PARD3B: variants seen among roughly 807,000 people sequenced by gnomAD.
PARD3B encodes par-3 family cell polarity regulator beta.
In PARD3B, 103 loss-of-function variants were observed where a neutral mutation model predicts 130.2. The observed-to-expected ratio is 0.79, with a 90% confidence interval of 0.67 to 0.93. PARD3B has a LOEUF of 0.93. Ranked by LOEUF, PARD3B falls within the 40% of genes least tolerant of loss-of-function variation. PARD3B has a pLI of 0.00. For synonymous variants in PARD3B, 583 were observed against 553.2 expected (o/e 1.05, Z -0.76); for missense variants, 1,609 against 1,499.2 (o/e 1.07, Z -1.21).
chr2:205,451,614 C>G lies in PARD3B; in HGVS notation c.3044+10942C>G, dbSNP rs189032931. Among the ~76,000 whole-genome samples, 326 of 151,680 alleles carry G rather than the reference C, an allele frequency of 2.1e-3. 2 individuals carry two copies. Among genetic ancestry groups the G allele is most frequent in the Admixed American group, 2.2e-3 (33 of 15,228 alleles). ...TTATTATGTAGACCCTCTTTTATAG[C>G]TAAGGCAGAAATATTTCAGCCTGAA... is the stretch of plus-strand genomic sequence containing the variant. On this transcript the variant is annotated intron_variant, in intron 20 of 22. Transcript: ENST00000406610.
At chr2:205,356,129 C>G (rs34486316) in intron 18 of PARD3B, among the ~76,000 whole-genome samples, 58 of 152,088 alleles carry the variant, frequency 3.8e-4, no homozygotes, top group African/African-American at 1.3e-3. Flanking sequence ...GGTGCCCCTT[C>G]TTGCCTAATG....
chr2:205,157,064 AG>A (rs1243977733), intron 10 of PARD3B, among the ~76,000 whole-genome samples: 1 of 152,158 alleles, frequency 6.6e-6, no homozygotes, highest in Non-Finnish European at 1.5e-5. Flanking sequence ...GAACCTTTCT[AG>A]TTTTTCTCTT....
intron 3 of PARD3B, among the ~76,000 whole-genome samples, chr2:204,996,897 C>A (rs1256202383): frequency 6.6e-6 from 1 of 151,066 alleles, no homozygotes; most frequent in African/African-American, 2.4e-5. Flanking sequence ...TCCCTGACCC[C>A]TTGCGCTTCC....
In PARD3B at chr2:205,241,356, AGAG is replaced by A. The variant is rs1443006284; in HGVS notation, c.2141-4417_2141-4415del. On this transcript the variant is annotated intron_variant, in intron 15 of 22. Transcript: ENST00000406610. This position sits in a 1 kb window ranked among gnomAD's most constrained non-coding sequence, Gnocchi z 4.2. ...TCTAAATAAATCGGAAGAAAGATCA[AGAG>A]GAGGCAGTCCATGGTACTCTCTAAG... Among the ~76,000 whole-genome samples, 6 of 152,204 alleles carry A rather than the reference AGAG, an allele frequency of 3.9e-5. No individual in the cohort carries two copies. Among genetic ancestry groups the A allele is most frequent in the African/African-American group, 7.2e-5 (3 of 41,460 alleles).
chr2:205,250,528 A>T (rs1165533522), intron 16 of PARD3B, among the ~76,000 whole-genome samples: 1 of 152,170 alleles, frequency 6.6e-6, no homozygotes, highest in Non-Finnish European at 1.5e-5. Context: ...TCAATTAATG[A>T]GCAAGTACTC....
At chr2:204,820,320 A>T (rs1002073938) in intron 2 of PARD3B, among the ~76,000 whole-genome samples, 1 of 147,610 alleles carries the variant, frequency 6.8e-6, no homozygotes, top group African/African-American at 2.5e-5. Flanking sequence ...TAAGTGATCC[A>T]CCCCCCTTGG....
chr2:204,690,826 A>T (rs185228040), intron 2 of PARD3B, among the ~76,000 whole-genome samples: 2 of 152,136 alleles, frequency 1.3e-5, no homozygotes, highest in Non-Finnish European at 2.9e-5. Flanking sequence ...CTCAAATTTC[A>T]TATTGACTGG....
intron 15 of PARD3B, among the ~76,000 whole-genome samples, chr2:205,199,832 C>A (rs187886885): frequency 7.0e-4 from 106 of 152,184 alleles, no homozygotes; most frequent in Non-Finnish European, 5.9e-5. Context: ...AAGTGGCCGT[C>A]CCTGATCATC....
chr2:204,912,376 G>GTA (rs34952663), intron 2 of PARD3B, among the ~76,000 whole-genome samples: 34,536 of 151,958 alleles, frequency 0.23, 4,460 homozygotes, highest in Non-Finnish European at 0.3. Flanking sequence ...ACAGAATAAA[G>GTA]TACACAGCTG....
chr2:204,825,431 C>T (rs1426320895), intron 2 of PARD3B, among the ~76,000 whole-genome samples: 1 of 152,102 alleles, frequency 6.6e-6, no homozygotes, highest in Non-Finnish European at 1.5e-5. Flanking sequence ...CAAATAGGGA[C>T]AGTGCTTGCA....
chr2:204,833,610 A>G (rs912616332), intron 2 of PARD3B, among the ~76,000 whole-genome samples: 3 of 152,042 alleles, frequency 2.0e-5, no homozygotes, highest in African/African-American at 7.2e-5. Context: ...CTGATAGTAA[A>G]TAAGTCTCAA....
chr2:204,731,024 A>T (rs868821587), intron 2 of PARD3B, among the ~76,000 whole-genome samples: 13 of 152,294 alleles, frequency 8.5e-5, no homozygotes, highest in Middle Eastern at 3.4e-3. Flanking sequence ...AGGCAGAGAA[A>T]TTATTTGATG....
chr2:205,103,177 GTAAAGT>G (rs1702919618), intron 4 of PARD3B, among the ~76,000 whole-genome samples: 2 of 90,898 alleles, frequency 2.2e-5, no homozygotes, highest in Non-Finnish European at 2.5e-5. Flanking sequence ...TTATATTTAT[GTAAAGT>G]AAACATTTTA....
chr2:205,400,121 C>A (rs2046196306), intron 18 of PARD3B, among the ~76,000 whole-genome samples: 1 of 152,106 alleles, frequency 6.6e-6, no homozygotes, highest in Non-Finnish European at 1.5e-5. Flanking sequence ...GCTCGGGAAG[C>A]CTGCTTAGGA....
At chr2:205,523,429 AG>A (rs1431512762) in intron 21 of PARD3B, among the ~76,000 whole-genome samples, 2 of 151,634 alleles carry the variant, frequency 1.3e-5, no homozygotes, top group Non-Finnish European at 2.9e-5. Flanking sequence ...TTTTTAATAG[AG>A]ACGGGGTTTC....
At chr2:204,968,022 G>A (rs1221706232) in intron 3 of PARD3B, among the ~76,000 whole-genome samples, 1 of 152,082 alleles carries the variant, frequency 6.6e-6, no homozygotes, top group African/African-American at 2.4e-5. Flanking sequence ...CCCTTCCCCA[G>A]TCAGCTAGTG....
intron 1 of PARD3B, among the ~76,000 whole-genome samples, chr2:204,609,165 G>A (rs553781759): frequency 2.0e-5 from 3 of 152,230 alleles, no homozygotes; most frequent in Non-Finnish European, 4.4e-5. Flanking sequence ...GGAAAGTTTT[G>A]ATTTTTAAAA....
intron 2 of PARD3B, among the ~76,000 whole-genome samples, chr2:204,720,961 A>G (rs920374555): frequency 6.6e-6 from 1 of 152,066 alleles, no homozygotes; most frequent in African/African-American, 2.4e-5. Flanking sequence ...AGATTCATAT[A>G]AGGAACATAA....
At chr2:205,377,928 G>A (rs1379009261) in intron 18 of PARD3B, among the ~76,000 whole-genome samples, 1 of 151,762 alleles carries the variant, frequency 6.6e-6, no homozygotes, top group Non-Finnish European at 1.5e-5. Context: ...GTGCCACCAC[G>A]CCCAGCTTAT....
Sources: allele counts gnomAD v4.1 joint callset (sites outside exome capture counted in the v4.1 genomes callset), GRCh38; gene constraint gnomAD v4.1.1; non-coding constraint Gnocchi (gnomAD v3.1); transcripts MANE v1.5; gene names NCBI Gene and HGNC (gene_info 2026-07-23, HGNC 2026-07-21).